Variants in ATG2B observed in about 807,000 individuals in gnomAD.
ATG2B encodes the protein autophagy related 2B.
A neutral mutation model predicts 241.3 loss-of-function variants in ATG2B; 121 were observed. That is an observed-to-expected ratio of 0.50 (90% confidence interval 0.43 to 0.58). ATG2B has a LOEUF of 0.58. Ranked by LOEUF, ATG2B falls within the 20% of genes least tolerant of loss-of-function variation. ATG2B has a pLI of 0.00. For synonymous variants in ATG2B, 858 were observed against 876.6 expected (o/e 0.98, Z 0.37); for missense variants, 2,306 against 2,491.6 (o/e 0.93, Z 1.59).
Position 96,282,755 on chromosome 14 carries a change from C to T in ATG2B, c.*3000G>A, listed in dbSNP as rs1318359902. Reference sequence around the variant, plus strand: ...GAAATGAACAAAGACACTAAACCTACAGAACATCGTTTTTAAAGGAGATAG... The same window carrying T: ...GAAATGAACAAAGACACTAAACCTATAGAACATCGTTTTTAAAGGAGATAG... On this transcript the variant is annotated 3_prime_UTR_variant, in exon 42 of 42. Transcript: ENST00000359933. 3.9e-5 allele frequency: 6 copies of T among 152,252 alleles called. No homozygotes were observed. Among genetic ancestry groups the T allele is most frequent in the Non-Finnish European group, 7.3e-5 (5 of 68,052 alleles). The allele number at this position is 152,252 out of a possible 1,614,324, so 9.4% of individuals were successfully genotyped here. A position where few individuals can be genotyped will look rare whatever the true frequency, so the allele number is the denominator to read the frequency against.
At chr14:96,304,226 A>G (rs1886870504) in intron 32 of ATG2B, among the ~76,000 whole-genome samples, 2 of 152,254 alleles carry the variant, frequency 1.3e-5, no homozygotes, top group Non-Finnish European at 2.9e-5. Flanking sequence ...CTGTGTTTTA[A>G]TAAGCCCTCC....
rs1462509992 is a variant in ATG2B at position 96,279,197 on chromosome 14, GTCAA to G, written c.*6554_*6557del. ...CAGAGGAGTCGCCACATAGGAAATA[GTCAA>G]TCAATGATGAACTTTTATTTCATAT... On this transcript the variant is annotated 3_prime_UTR_variant, in exon 42 of 42. Transcript: ENST00000359933. 1.3e-5 allele frequency: 2 copies of G among 152,238 alleles called. No homozygotes were observed. Among genetic ancestry groups the G allele is most frequent in the African/African-American group, 2.4e-5 (1 of 41,496 alleles). The allele number at this position is 152,238 out of a possible 1,614,324, so 9.4% of individuals were successfully genotyped here.
At chr14:96,348,059 A>G (rs936216418) in intron 1 of ATG2B, among the ~76,000 whole-genome samples, 9 of 152,364 alleles carry the variant, frequency 5.9e-5, no homozygotes, top group African/African-American at 2.2e-4. Context: ...CAATATTCAC[A>G]ATAGCCAAGA....
Position 96,284,839 on chromosome 14 carries a change from T to G in ATG2B, c.*916A>C, listed in dbSNP as rs561493587. On this transcript the variant is annotated 3_prime_UTR_variant, in exon 42 of 42. Coordinates refer to ENST00000359933, the MANE Select transcript of ATG2B (RefSeq NM_018036.7). ...AAAATGGTATGCTGAAATAGTTAAC[T>G]AGGGCATATTTGAAGAATTTTGTTT... 1 of 152,338 alleles carries G rather than the reference T, an allele frequency of 6.6e-6. No individual in the cohort carries two copies. The highest frequency in any genetic ancestry group is 1.9e-4 in the East Asian group (1 of 5,192). 9.4% of individuals were successfully genotyped at this position (152,338 alleles called of 1,614,324 possible).
rs1491560869 is a variant in ATG2B, at chr14:96,317,454, T to TC, written c.3038-138dup. 8.6e-6 allele frequency: 7 copies of TC among 810,486 alleles called. No homozygotes were observed. The East Asian group carries it at 1.9e-4, about 22-fold the overall frequency. 50.2% of individuals were successfully genotyped at this position (810,486 alleles called of 1,614,324 possible). A position where few individuals can be genotyped will look rare whatever the true frequency, so the allele number is the denominator to read the frequency against. On this transcript the variant is annotated intron_variant, in intron 19 of 41. Transcript: ENST00000359933. ...TGAACACAGAAATACATACTGTTTTTCTCTTTAGCTTTGAACTTCAAACAA... is the reference window on the plus strand; with the variant it reads ...TGAACACAGAAATACATACTGTTTTTCCTCTTTAGCTTTGAACTTCAAACAA...
At position 96,343,146 on chromosome 14, in the gene ATG2B, A is replaced by G; in HGVS notation, c.717T>C (p.Ser239=). The G allele has an allele frequency of 6.2e-7, 1 of 1,602,098 alleles. No homozygotes were observed. The highest frequency in any genetic ancestry group is 8.5e-7 in the Non-Finnish European group (1 of 1,174,046). The change falls in exon 5 of 42, where the codon TCT becomes TCC. Residue 239 remains serine (S), a synonymous_variant. Coordinates refer to ENST00000359933, the MANE Select transcript of ATG2B (RefSeq NM_018036.7). ...CTGGTGCAGTTGAACACACTGGGGAAGATTTGGCTGATGCAGAAAACTCAT... is the reference window on the plus strand; with the variant it reads ...CTGGTGCAGTTGAACACACTGGGGAGGATTTGGCTGATGCAGAAAACTCAT... ...FWDEFSASAK[S]SPVCSTAPVE... is the part of the protein sequence containing the mutation.
rs764529741 is a variant in ATG2B, at chr14:96,290,535, G to A, written c.5757C>T (p.Gly1919=). The A allele has an allele frequency of 1.2e-5, 19 of 1,614,162 alleles. 2 individuals are homozygous for A. The highest frequency in any genetic ancestry group is 1.6e-4 in the Middle Eastern group (1 of 6,062). ...WLPIEQYRKD[G]RIVRGFQRGA... is the part of the protein sequence containing the mutation. ...CTCTCTGAAACCCTCTGACAATGCG[G>A]CCATCCTTCCGGTACTGCTCTATTG... The change falls in exon 40 of 42, where the codon GGC becomes GGT. Residue 1919 remains glycine (G), a synonymous_variant. Coordinates refer to ENST00000359933, the MANE Select transcript of ATG2B (RefSeq NM_018036.7). This position sits in a 1 kb window ranked among gnomAD's most constrained non-coding sequence, Gnocchi z 4.4.
chr14:96,285,788 G>A lies in ATG2B; in HGVS notation c.6204C>T (p.Asp2068=), dbSNP rs142197311. 28 of 1,613,840 alleles carry A rather than the reference G, an allele frequency of 1.7e-5. No homozygotes were observed. Among genetic ancestry groups the A allele is most frequent in the Middle Eastern group, 1.7e-4 (1 of 6,008 alleles). ...CCCCGTGGCGCCATTTCTGTGACTCGTCTTGCCGGACATCTGGCCTAATTT... is the reference window on the plus strand; with the variant it reads ...CCCCGTGGCGCCATTTCTGTGACTCATCTTGCCGGACATCTGGCCTAATTT... ...RNQIRPDVRQ[D]ESQKWRHGDD The change falls in exon 42 of 42, where the codon GAC becomes GAT. Residue 2068 remains aspartate (D), a synonymous_variant. Coordinates refer to ENST00000359933, the MANE Select transcript of ATG2B (RefSeq NM_018036.7). The surrounding 1 kb of genome is among the most constrained non-coding windows in gnomAD (Gnocchi z 4.2).
At chr14:96,319,710 G>T (rs1887410663) in intron 18 of ATG2B, among the ~76,000 whole-genome samples, 1 of 152,188 alleles carries the variant, frequency 6.6e-6, no homozygotes, top group Non-Finnish European at 1.5e-5. Flanking sequence ...AGTTAATGTA[G>T]AATGTCCTTG....
chr14:96,361,814 T>A (rs1260990201), intron 1 of ATG2B, among the ~76,000 whole-genome samples: 1 of 152,166 alleles, frequency 6.6e-6, no homozygotes, highest in Non-Finnish European at 1.5e-5. Context: ...CCCTAGTTTA[T>A]GTCAGGTACA....
chr14:96,321,053 T>C (rs1313052227), intron 18 of ATG2B, among the ~76,000 whole-genome samples: 2 of 152,322 alleles, frequency 1.3e-5, no homozygotes, highest in African/African-American at 2.4e-5. Context: ...TTTCTTCCTA[T>C]ACCAGAGTGG....
Position 96,304,491 on chromosome 14 carries a change from T to G in ATG2B, c.4842+4A>C, listed in dbSNP as rs1353013227. The G allele has an allele frequency of 6.2e-7, 1 of 1,609,164 alleles. No homozygotes were observed. Among genetic ancestry groups the G allele is most frequent in the Admixed American group, 1.7e-5 (1 of 59,488 alleles). On this transcript the variant is annotated splice_donor_region_variant and intron_variant, in intron 32 of 41. Coordinates refer to ENST00000359933, the MANE Select transcript of ATG2B (RefSeq NM_018036.7). ...GTGGATTTTTCCTTCAAATGCCATC[T>G]TACCTTGCTTAGCTGTATTTCCATT...
At chr14:96,356,479 T>G (rs1003160909) in intron 1 of ATG2B, among the ~76,000 whole-genome samples, 3 of 152,032 alleles carry the variant, frequency 2.0e-5, no homozygotes, top group African/African-American at 7.3e-5. Context: ...ATATCATAAT[T>G]TTTTTTAACG....
chr14:96,323,976 T>G lies in ATG2B; in HGVS notation c.2460A>C (p.Gly820=), dbSNP rs2139872174. 2 of 1,604,312 alleles carry G rather than the reference T, an allele frequency of 1.2e-6. No individual in the cohort carries two copies. Among genetic ancestry groups the G allele is most frequent in the East Asian group, 4.5e-5 (2 of 44,656 alleles). The stretch of plus-strand genomic sequence containing the variant: ...CATGGAAAAACTTAATAGATGGATC[T>G]CCTTTCTCTTCCTGGAACGATCCTA... ...ELIGSFQEEK[G]DPSIKFFHVS... is the part of the protein sequence containing the mutation. Residue 820 remains glycine (G), a synonymous_variant, in exon 16 of 42, where the codon GGA becomes GGC. Transcript: ENST00000359933.
chr14:96,353,931 G>A (rs578192004), intron 1 of ATG2B, among the ~76,000 whole-genome samples: 151 of 151,784 alleles, frequency 9.9e-4, no homozygotes, highest in Admixed American at 2.0e-3. Context: ...ATTTTTTAAC[G>A]GATAATGTGT....
At chr14:96,322,431 C>T in intron 17 of ATG2B, 109 bp downstream of exon 17, 1 of 1,325,954 alleles carries the variant, frequency 7.5e-7, no homozygotes, top group Non-Finnish European at 1.0e-6. Context: ...AGTTTAAGAC[C>T]TAGCAAAAAC....
intron 1 of ATG2B, among the ~76,000 whole-genome samples, chr14:96,354,211 G>A (rs925337552): frequency 1.3e-5 from 2 of 152,170 alleles, no homozygotes; most frequent in Admixed American, 6.5e-5. Context: ...TCCCATGGTG[G>A]TTTGCTGCAC....
intron 5 of ATG2B, among the ~76,000 whole-genome samples, chr14:96,342,177 CCT>C (rs545898057): frequency 4.6e-5 from 7 of 151,402 alleles, no homozygotes; most frequent in Admixed American, 2.6e-4. Context: ...TGCTTAATTT[CCT>C]CTGTTTTGAT....
chr14:96,285,612 T>C lies in ATG2B; in HGVS notation c.*143A>G. ...AGAAGTTTTTGGTTGCATGTTGTTT[T>C]GATGTTAAATTATTTAACTAAAAAA... On this transcript the variant is annotated 3_prime_UTR_variant, in exon 42 of 42. Transcript: ENST00000359933. The surrounding 1 kb of genome is among the most constrained non-coding windows in gnomAD (Gnocchi z 4.2). 1 of 737,390 alleles carries C rather than the reference T, an allele frequency of 1.4e-6. No homozygotes were observed. Among genetic ancestry groups the C allele is most frequent in the Non-Finnish European group, 2.2e-6 (1 of 451,418 alleles). 45.7% of individuals were successfully genotyped at this position (737,390 alleles called of 1,614,324 possible). A position where few individuals can be genotyped will look rare whatever the true frequency, so the allele number is the denominator to read the frequency against.
Sources: allele counts gnomAD v4.1 joint callset (sites outside exome capture counted in the v4.1 genomes callset), GRCh38; gene constraint gnomAD v4.1.1; non-coding constraint Gnocchi (gnomAD v3.1); transcripts MANE v1.5; gene names NCBI Gene and HGNC (gene_info 2026-07-23, HGNC 2026-07-21).